Variants in SLC6A18 observed in about 807,000 individuals in gnomAD.
The protein encoded by SLC6A18 is solute carrier family 6 member 18, also known as inactive sodium-dependent neutral amino acid transporter B(0)AT3.
SLC6A18 carries 58 observed loss-of-function variants against 62.9 expected under a neutral mutation model. That is an observed-to-expected ratio of 0.92 (90% CI 0.75 to 1.15). The LOEUF (loss-of-function observed/expected upper bound fraction) is 1.15. Among genes scored for constraint, SLC6A18 ranks in the 50% most tolerant of loss-of-function variants. The pLI is 0.00. For missense variants in SLC6A18, 793 were observed against 836.6 expected, an observed-to-expected ratio of 0.95 and a Z score of 0.64; for synonymous variants, 382 against 365.8, an observed-to-expected ratio of 1.04 and a Z score of -0.51.
In SLC6A18 at chr5:1,244,361, A is replaced by G. The variant is rs1747156193; in HGVS notation, c.1484A>G (p.Tyr495Cys). The G allele has an allele frequency of 6.2e-7, 1 of 1,613,784 alleles. No individual in the cohort carries two copies. Among genetic ancestry groups the G allele is most frequent in the Non-Finnish European group, 8.5e-7 (1 of 1,179,858 alleles). ...GAGGTTGTGGGTGTCGTTTATGTTT[A>G]TGGAATGAAACGGTGAGCTGCCGCC... ...FLEVVGVVYV[Y>C]GMKRFCDDIA... The change falls in exon 10 of 12, where the codon TAT (tyrosine) becomes TGT (cysteine). Residue 495 changes from tyrosine (Y) to cysteine (C), a missense_variant. By Grantham distance (194) the Tyr-to-Cys change is radical (BLOSUM62 -2). Coordinates refer to ENST00000324642, the MANE Select transcript of SLC6A18 (RefSeq NM_182632.3).
chr5:1,235,897 C>A (rs1022947078), intron 4 of SLC6A18, among the ~76,000 whole-genome samples: 3 of 152,180 alleles, frequency 2.0e-5, no homozygotes, highest in Non-Finnish European at 4.4e-5. Flanking sequence ...CTCCAGATTT[C>A]TTTGGGCTAT....
At chr5:1,240,469 TCC>T in intron 6 of SLC6A18, 60 bp from the exon 7 acceptor site, 1 of 1,601,326 alleles carries the variant, frequency 6.2e-7, no homozygotes, top group Admixed American at 1.7e-5. Context: ...CCTCACTTCC[TCC>T]CCTGGATGAG....
In SLC6A18 at chr5:1,238,039, C is replaced by T. The variant is rs766154785; in HGVS notation, c.711C>T (p.Leu237=). 7.4e-6 allele frequency: 12 copies of T among 1,614,056 alleles called. No homozygotes were observed. The Admixed American group carries it at 1.2e-4, about 16-fold the overall frequency. The part of the protein sequence containing the change: ...GLTLPGATKG[L]IYLFTPNMHI... ...CCCTGCCAGGGGCAACAAAAGGACT[C>T]ATCTACTTGTTCACTCCCAACGTAA... Residue 237 remains leucine (L), a synonymous_variant, in exon 5 of 12, where the codon CTC becomes CTT. Transcript: ENST00000324642.
rs1747060160 is a variant in SLC6A18, at chr5:1,241,538, G to C, written c.974+879G>C. On this transcript the variant is annotated intron_variant, in intron 7 of 11. Transcript: ENST00000324642. The surrounding 1 kb of genome is among the most constrained non-coding windows in gnomAD (Gnocchi z 7.8). The stretch of plus-strand genomic sequence containing the variant: ...TGCTTGGGAGCAGGGCAGCACGTCA[G>C]CACTGCACCTGATGGCACTTTTCAA... 6.6e-6 allele frequency among the ~76,000 whole-genome samples: 1 copy of C among 152,162 alleles called. No homozygotes were observed.
intron 11 of SLC6A18, among the ~76,000 whole-genome samples, chr5:1,245,305 C>T (rs566271732): frequency 2.0e-5 from 3 of 152,270 alleles, no homozygotes; most frequent in South Asian, 2.1e-4. Flanking sequence ...CTCCAAGCAG[C>T]GCCAGCCCCT....
intron 11 of SLC6A18, 73 bp downstream of exon 11, chr5:1,244,840 C>T (rs550432510): frequency 5.4e-5 from 81 of 1,489,982 alleles, no homozygotes; most frequent in Admixed American, 8.6e-5. Context: ...CGGTGCCATC[C>T]GGTGCCCGAC....
Position 1,244,613 on chromosome 5 carries a change from G to A in SLC6A18, c.1502G>A (p.Cys501Tyr), listed in dbSNP as rs144835864. Reference protein sequence around the residue: ...VVYVYGMKRFCDDIAWMTGRR... With the variant: ...VVYVYGMKRFYDDIAWMTGRR... The stretch of plus-strand genomic sequence containing the variant: ...GAGCCCAGCATCTGGTGCAGGTTCT[G>A]CGATGACATTGCGTGGATGACCGGG... The change falls in exon 11 of 12, where the codon TGC (cysteine) becomes TAC (tyrosine). Residue 501 changes from cysteine to tyrosine, a missense_variant. Transcript: ENST00000324642. 98 of 1,596,040 alleles carry A rather than the reference G, an allele frequency of 6.1e-5. No homozygotes were observed. In the African/African-American group the frequency reaches 1.2e-3, roughly 20 times the overall value.
intron 4 of SLC6A18, among the ~76,000 whole-genome samples, chr5:1,237,726 A>G (rs1170993949): frequency 6.6e-6 from 1 of 152,138 alleles, no homozygotes; most frequent in Non-Finnish European, 1.5e-5. Flanking sequence ...CATGTAAACG[A>G]ATGTGCATGT....
intron 3 of SLC6A18, among the ~76,000 whole-genome samples, chr5:1,235,011 C>T (rs1746846866): frequency 6.6e-6 from 1 of 152,252 alleles, no homozygotes; most frequent in African/African-American, 2.4e-5. Context: ...CCTGCATCAG[C>T]CTGTGGCCCC....
chr5:1,242,014 G>C (rs552476664), intron 7 of SLC6A18, among the ~76,000 whole-genome samples: 1 of 142,872 alleles, frequency 7.0e-6, no homozygotes, highest in East Asian at 2.2e-4. Context: ...CCCGCCCTTG[G>C]CTGTCTGTGC....
intron 4 of SLC6A18, among the ~76,000 whole-genome samples, chr5:1,236,363 T>C (rs1033378885): frequency 1.3e-5 from 2 of 152,224 alleles, no homozygotes; most frequent in South Asian, 2.1e-4. Context: ...CTTTGCGCTA[T>C]TGTTGTCATA....
intron 5 of SLC6A18, 135 bp from the exon 6 acceptor site, chr5:1,239,315 G>C: frequency 1.5e-6 from 1 of 655,470 alleles, no homozygotes; most frequent in South Asian, 1.8e-5. Context: ...GTCCTACCCT[G>C]TTCCTGGTGT....
In SLC6A18 at chr5:1,225,710, C is replaced by A. The variant is rs2126521830; in HGVS notation, c.160+73C>A. The A allele has an allele frequency of 2.0e-6, 3 of 1,473,494 alleles. No individual in the cohort carries two copies. In the East Asian group the frequency reaches 7.3e-5, roughly 36 times the overall value. 91.3% of individuals were successfully genotyped at this position (1,473,494 alleles called of 1,614,324 possible). On this transcript the variant is annotated intron_variant, in intron 1 of 11. Coordinates refer to ENST00000324642, the MANE Select transcript of SLC6A18 (RefSeq NM_182632.3). ...CGTCTCCACCCTGACCTGCCAGGCG[C>A]CTGCCACGCATCCCCAGTGCTTGGG...
Position 1,245,891 on chromosome 5 carries a change from C to G in SLC6A18, c.1700C>G (p.Ala567Gly). 1 of 1,607,750 alleles carries G rather than the reference C, an allele frequency of 6.2e-7. No homozygotes were observed. Among genetic ancestry groups the G allele is most frequent in the African/African-American group, 1.3e-5 (1 of 74,950 alleles). ...CAGGAGAAGCTCTACCCGGGCTGGG[C>G]GCGCGCCGCCTGTGTGCTGCTGTCC... is the stretch of plus-strand genomic sequence containing the variant. ...SRQEKLYPGW[A>G]RAACVLLSLL... The change falls in exon 12 of 12, where the codon GCG (alanine) becomes GGG (glycine). Residue 567 changes from alanine (A) to glycine (G), a missense_variant. Physicochemically the swap from Ala to Gly is moderately conservative, Grantham distance 60 (BLOSUM62 0). Transcript: ENST00000324642.
At chr5:1,227,515 C>T (rs1746614157) in intron 1 of SLC6A18, among the ~76,000 whole-genome samples, 1 of 152,244 alleles carries the variant, frequency 6.6e-6, no homozygotes, top group East Asian at 1.9e-4. Flanking sequence ...CACTTTGTCT[C>T]GCTGTGAGGA....
rs570891197 is a variant in SLC6A18 at position 1,242,928 on chromosome 5, C to T, written c.1131+65C>T. 393 of 1,487,196 alleles carry T rather than the reference C, an allele frequency of 2.6e-4. 1 individual carries two copies. Among genetic ancestry groups the T allele is most frequent in the Non-Finnish European group, 3.4e-4 (371 of 1,104,810 alleles). The allele number at this position is 1,487,196 out of a possible 1,614,324, so 92.1% of individuals were successfully genotyped here. The stretch of plus-strand genomic sequence containing the variant: ...CACAGGAGCACCAGGGCCGCACTGG[C>T]TGTGTCCCACTGCCAAAGGCTGCAA... On this transcript the variant is annotated intron_variant, in intron 8 of 11. Coordinates refer to ENST00000324642, the MANE Select transcript of SLC6A18 (RefSeq NM_182632.3).
In SLC6A18 at chr5:1,245,735, C is replaced by T. The variant is rs116997179; in HGVS notation, c.1657-113C>T. On this transcript the variant is annotated intron_variant, in intron 11 of 11. Transcript: ENST00000324642. ...CTGCTCTGGCCGTGCCTTTTCCATT[C>T]CCATCCAAGTCCGGGTGGGCAGGTG... is the stretch of plus-strand genomic sequence containing the variant. The T allele has an allele frequency of 2.7e-3, 3,181 of 1,170,528 alleles. 67 individuals carry two copies. The East Asian group carries it at 0.05, about 18-fold the overall frequency. The allele number at this position is 1,170,528 out of a possible 1,614,324, so 72.5% of individuals were successfully genotyped here.
intron 3 of SLC6A18, among the ~76,000 whole-genome samples, chr5:1,233,880 T>G (rs755288174): frequency 5.3e-5 from 8 of 152,030 alleles, no homozygotes; most frequent in Non-Finnish European, 5.9e-5. Flanking sequence ...TAGCTAGGAC[T>G]ACAGGCGCCT....
In SLC6A18 at chr5:1,235,737, C is replaced by T. The variant is rs749109906; in HGVS notation, c.621+75C>T. ...AGACCCCTCCCCATTGACCTGTGTT[C>T]GCTTTGTGTCTACAAGCTCTTGCGA... On this transcript the variant is annotated intron_variant, in intron 4 of 11. Transcript: ENST00000324642. The T allele has an allele frequency of 6.7e-5, 98 of 1,470,550 alleles. No homozygotes were observed. The African/African-American group carries it at 7.6e-4, about 11-fold the overall frequency. 91.1% of individuals were successfully genotyped at this position (1,470,550 alleles called of 1,614,324 possible). A position where few individuals can be genotyped will look rare whatever the true frequency, so the allele number is the denominator to read the frequency against.
Sources: gnomAD v4.1 joint callset for allele counts (sites outside exome capture counted in the v4.1 genomes callset) on GRCh38, gnomAD v4.1.1 for gene constraint, Gnocchi (gnomAD v3.1) non-coding constraint, MANE v1.5 for transcripts, NCBI Gene and HGNC (gene_info 2026-07-23, HGNC 2026-07-21) for gene names.